AGBL1: variants seen among roughly 807,000 people sequenced by gnomAD.
The protein encoded by AGBL1 is AGBL carboxypeptidase 1.
Under a neutral mutation model 118.9 loss-of-function variants are expected in AGBL1, and 130 were observed. That is an observed-to-expected ratio of 1.09 (90% CI 0.95 to 1.26). AGBL1 has a LOEUF of 1.26. Ranked by LOEUF, AGBL1 falls within the 50% of genes most tolerant of loss-of-function variation. The pLI is 0.00. For missense variants in AGBL1, 1,584 were observed against 1,298.1 expected, an observed-to-expected ratio of 1.22 and a Z score of -3.38; for synonymous variants, 555 against 478.9, an observed-to-expected ratio of 1.16 and a Z score of -2.08.
chr15:86,737,659 G>A (rs1381813166), intron 22 of AGBL1, among the ~76,000 whole-genome samples: 1 of 152,108 alleles, frequency 6.6e-6, no homozygotes, highest in Non-Finnish European at 1.5e-5. Flanking sequence ...GAGCACAGCT[G>A]AGCATTATTA....
chr15:86,152,069 A>G (rs2077119512), intron 3 of AGBL1, among the ~76,000 whole-genome samples: 1 of 152,218 alleles, frequency 6.6e-6, no homozygotes, highest in Non-Finnish European at 1.5e-5. Flanking sequence ...CGACAAATCA[A>G]TATCGTGAAA....
intron 4 of AGBL1, among the ~76,000 whole-genome samples, chr15:86,155,854 C>T (rs1014904952): frequency 6.6e-6 from 1 of 152,046 alleles, no homozygotes; most frequent in Non-Finnish European, 1.5e-5. Flanking sequence ...TGCCTTAATG[C>T]CTTAACAAAA....
chr15:86,842,493 C>G (rs1384854291), intron 22 of AGBL1, among the ~76,000 whole-genome samples: 1 of 152,160 alleles, frequency 6.6e-6, no homozygotes, highest in Non-Finnish European at 1.5e-5. Flanking sequence ...AAGAGATTTT[C>G]TTTCTTTGAA....
At chr15:86,556,280 C>T (rs1171738725) in intron 21 of AGBL1, 2 of 1,611,890 alleles carry the variant, frequency 1.2e-6, no homozygotes. Context: ...AGTGGATGGC[C>T]TTCAGGTATT....
chr15:86,128,680 T>G (rs2076779928), intron 1 of AGBL1, among the ~76,000 whole-genome samples: 1 of 152,222 alleles, frequency 6.6e-6, no homozygotes, highest in Non-Finnish European at 1.5e-5. Flanking sequence ...TAAGTTATGC[T>G]AACTTACCTA....
At chr15:86,478,089 A>T (rs1371559875) in intron 18 of AGBL1, among the ~76,000 whole-genome samples, 1 of 152,154 alleles carries the variant, frequency 6.6e-6, no homozygotes, top group African/African-American at 2.4e-5. Context: ...TCTCAAAATA[A>T]TAAGAGCTAT....
At chr15:86,509,761 A>C (rs141343933) in intron 18 of AGBL1, among the ~76,000 whole-genome samples, 105 of 152,086 alleles carry the variant, frequency 6.9e-4, no homozygotes, top group African/African-American at 2.4e-3. Context: ...TTTCTTTTGC[A>C]TGCCTTTACC....
In AGBL1 at chr15:86,262,799, G is replaced by A. The variant is rs1466997741; in HGVS notation, c.991G>A (p.Val331Met). The A allele has an allele frequency of 9.3e-6, 15 of 1,608,636 alleles. No individual in the cohort carries two copies. Among genetic ancestry groups the A allele is most frequent in the Admixed American group, 1.7e-5 (1 of 59,526 alleles). Residue 331 changes from valine to methionine, a missense_variant, in exon 10 of 23, where the codon GTG becomes ATG. Physicochemically the swap from Val to Met is conservative, Grantham distance 21. Transcript: ENST00000614907. Reference sequence around the variant, plus strand: ...TTAGGATGATGACTTGGAAACAGACGTGAACAAGCTGAGTTCCAAACCTGG... The same window carrying A: ...TTAGGATGATGACTTGGAAACAGACATGAACAAGCTGAGTTCCAAACCTGG... Reference protein sequence around the residue: ...KVEDDDLETDVNKLSSKPGLD... With the variant: ...KVEDDDLETDMNKLSSKPGLD...
At chr15:86,366,829 T>A (rs1426451999) in intron 17 of AGBL1, among the ~76,000 whole-genome samples, 3 of 152,164 alleles carry the variant, frequency 2.0e-5, no homozygotes, top group Non-Finnish European at 4.4e-5. Flanking sequence ...TCCTTTACTG[T>A]CTTTCTTGTC....
intron 21 of AGBL1, among the ~76,000 whole-genome samples, chr15:86,609,774 T>C (rs1267208254): frequency 6.6e-6 from 1 of 152,200 alleles, no homozygotes; most frequent in Non-Finnish European, 1.5e-5. Flanking sequence ...GTAAACGACA[T>C]ACTCTTGTAG....
At chr15:86,853,151 C>G (rs1275841088) in intron 22 of AGBL1, among the ~76,000 whole-genome samples, 2 of 152,082 alleles carry the variant, frequency 1.3e-5, no homozygotes, top group Non-Finnish European at 2.9e-5. Flanking sequence ...GATGACCAGT[C>G]AAGTTTTAGA....
intron 22 of AGBL1, among the ~76,000 whole-genome samples, chr15:86,803,953 T>G (rs537674883): frequency 6.6e-6 from 1 of 152,176 alleles, no homozygotes; most frequent in Admixed American, 6.6e-5. Flanking sequence ...GTGGTGTAGC[T>G]AATTAACCTT....
intron 22 of AGBL1, among the ~76,000 whole-genome samples, chr15:86,882,422 T>G (rs1199729054): frequency 6.6e-6 from 1 of 152,090 alleles, no homozygotes; most frequent in Non-Finnish European, 1.5e-5. Flanking sequence ...CTTTCTGAAG[T>G]CACTACACCA....
At chr15:86,123,483 G>A (rs865865128) in intron 1 of AGBL1, among the ~76,000 whole-genome samples, 2 of 152,118 alleles carry the variant, frequency 1.3e-5, no homozygotes, top group Admixed American at 6.5e-5. Flanking sequence ...GAGGTGATCC[G>A]CCTGCCTCGG....
chr15:86,685,810 C>T (rs1248998049), intron 22 of AGBL1, among the ~76,000 whole-genome samples: 9 of 152,024 alleles, frequency 5.9e-5, no homozygotes. Flanking sequence ...AAACATATTG[C>T]AAATGATTCT....
intron 5 of AGBL1, among the ~76,000 whole-genome samples, chr15:86,166,944 T>C (rs1456738048): frequency 6.6e-6 from 1 of 152,144 alleles, no homozygotes; most frequent in Non-Finnish European, 1.5e-5. Flanking sequence ...CTGAAGCTTG[T>C]ACAGCTCGTA....
At position 86,215,806 on chromosome 15, in the gene AGBL1, A is replaced by G. The variant is rs1035650021; in HGVS notation, c.489-9108A>G. On this transcript the variant is annotated intron_variant, in intron 5 of 22. Transcript: ENST00000614907. Reference sequence around the variant, plus strand: ...TGCTTCTTGAGATCACTCCAATTGTACCATGAAGAACAGTTTGAACGGGTC... The same window carrying G: ...TGCTTCTTGAGATCACTCCAATTGTGCCATGAAGAACAGTTTGAACGGGTC... Among the ~76,000 whole-genome samples the G allele has an allele frequency of 5.9e-5, 9 of 152,352 alleles. No individual in the cohort carries two copies. In the South Asian group the frequency reaches 1.9e-3, roughly 32 times the overall value.
At chr15:87,022,871 T>C (rs1368290386) in intron 24 of AGBL1, among the ~76,000 whole-genome samples, 1 of 152,044 alleles carries the variant, frequency 6.6e-6, no homozygotes, top group Admixed American at 6.6e-5. Flanking sequence ...GCTTCATATA[T>C]GAAGGAAAGA....
At chr15:86,521,928 C>A (rs1481831840) in intron 18 of AGBL1, among the ~76,000 whole-genome samples, 1 of 151,986 alleles carries the variant, frequency 6.6e-6, no homozygotes, top group East Asian at 1.9e-4. Flanking sequence ...GCTCATTGAC[C>A]CTACTGAGTA....
Sources: allele counts gnomAD v4.1 joint callset (sites outside exome capture counted in the v4.1 genomes callset), GRCh38; gene constraint gnomAD v4.1.1; transcripts MANE v1.5; gene names NCBI Gene and HGNC (gene_info 2026-07-23, HGNC 2026-07-21).